The following DEK variants were observed in gnomAD, a reference collection of about 807,000 sequenced individuals.
DEK encodes the protein DEK proto-oncogene, also known as protein DEK.
DEK carries 28 observed loss-of-function variants against 46.8 expected under a neutral mutation model. The ratio of observed to expected loss-of-function variants is 0.60; its 90% CI spans 0.44 to 0.82. The LOEUF is 0.82. DEK is among the 40% of genes least tolerant of loss of function. DEK has a pLI of 0.00. For missense variants in DEK, 416 were observed against 430.6 expected, an observed-to-expected ratio of 0.97 and a Z score of 0.30; for synonymous variants, 160 against 144.5, an observed-to-expected ratio of 1.11 and a Z score of -0.77.
chr6:18,257,966 T>C lies in DEK; in HGVS notation c.344A>G (p.Asn115Ser). ...ELRNLHKLLY[N>S]RPGTVSSLKK... The stretch of plus-strand genomic sequence containing the variant: ...AAAAGGTCTTACAGTGCCTGGCCTG[T>C]TGTAAAGCAGTTTGTGTAGATTTCT... Residue 115 changes from asparagine (N) to serine (S), a missense_variant, in exon 4 of 11, where the codon AAC becomes AGC. Transcript: ENST00000652689. 1 of 1,608,342 alleles carries C rather than the reference T, an allele frequency of 6.2e-7. No individual in the cohort carries two copies. The highest frequency in any genetic ancestry group is 1.1e-5 in the South Asian group (1 of 89,050).
chr6:18,252,393 C>A (rs932736749), intron 6 of DEK, among the ~76,000 whole-genome samples: 19 of 149,530 alleles, frequency 1.3e-4, no homozygotes, highest in African/African-American at 4.7e-4. Context: ...CCTATAGTCC[C>A]AGTTACTTGG....
chr6:18,232,137 A>G (rs1243542967), intron 9 of DEK, among the ~76,000 whole-genome samples: 1 of 152,248 alleles, frequency 6.6e-6, no homozygotes, highest in Non-Finnish European at 1.5e-5. Flanking sequence ...CAATAGATAC[A>G]GAAAAGGCCT....
intron 9 of DEK, 134 bp downstream of exon 9, chr6:18,236,318 A>C (rs1790643876): frequency 1.2e-6 from 1 of 867,622 alleles, no homozygotes; most frequent in Non-Finnish European, 1.7e-6. Context: ...ACCTGTAAGG[A>C]GATCTGGCAT....
rs1420818884 is a variant in DEK, at chr6:18,236,464, C to T, written c.1035G>A (p.Gln345=). Reference sequence around the variant, plus strand: ...TTTGTCTAATTACCTTTTTGCAAATCTGTTTCATTGTGACTTCTTCCAAGT... The same window carrying T: ...TTTGTCTAATTACCTTTTTGCAAATTTGTTTCATTGTGACTTCTTCCAAGT... ...SANLEEVTMK[Q]ICKKVYENYP... is the part of the protein sequence containing the mutation. The change falls in exon 9 of 11, where the codon CAG becomes CAA. Residue 345 remains glutamine (Q), a synonymous_variant. Coordinates refer to ENST00000652689, the MANE Select transcript of DEK (RefSeq NM_003472.4). The T allele has an allele frequency of 1.9e-6, 3 of 1,610,168 alleles. No homozygotes were observed. Among genetic ancestry groups the T allele is most frequent in the Non-Finnish European group, 2.5e-6 (3 of 1,178,830 alleles).
At chr6:18,237,185 C>CTATA in intron 8 of DEK, 196 bp downstream of exon 8, 4 of 482,638 alleles carry the variant, frequency 8.3e-6, no homozygotes, top group South Asian at 5.1e-5. Context: ...GTCTCTCTCT[C>CTATA]TATATATATA....
intron 7 of DEK, among the ~76,000 whole-genome samples, chr6:18,248,756 C>T (rs1170929624): frequency 1.3e-5 from 2 of 152,134 alleles, no homozygotes; most frequent in African/African-American, 4.8e-5. Context: ...TGATTCCCTC[C>T]TTGTCTCGCC....
At chr6:18,226,274 A>G in intron 9 of DEK, 32 bp from the exon 10 acceptor site, 1 of 1,319,226 alleles carries the variant, frequency 7.6e-7, no homozygotes, top group Non-Finnish European at 1.0e-6. Context: ...AATAATGTTA[A>G]AAGCAGATTT....
At chr6:18,242,446 CAT>C (rs2151084759) in intron 7 of DEK, among the ~76,000 whole-genome samples, 1 of 152,300 alleles carries the variant, frequency 6.6e-6, no homozygotes, top group Admixed American at 6.5e-5. Context: ...TGTTGTCAAC[CAT>C]AGTCTGAAAA....
chr6:18,242,847 T>C (rs1467963162), intron 7 of DEK, among the ~76,000 whole-genome samples: 1 of 152,158 alleles, frequency 6.6e-6, no homozygotes, highest in African/African-American at 2.4e-5. Context: ...CTAAGATCTA[T>C]AGTAAGAACA....
intron 7 of DEK, among the ~76,000 whole-genome samples, chr6:18,239,384 A>G (rs937020390): frequency 7.4e-5 from 8 of 107,472 alleles, no homozygotes; most frequent in African/African-American, 3.0e-4. Context: ...TGGTCTCGCT[A>G]TGTTACCCAT....
chr6:18,239,363 A>ATTT (rs1254747677), intron 7 of DEK, among the ~76,000 whole-genome samples: 2,110 of 67,952 alleles, frequency 0.031, 31 homozygotes, highest in African/African-American at 0.12. Context: ...TTTTTTTTTA[A>ATTT]AAAAAAGAGA....
chr6:18,234,921 G>A (rs758846057), intron 9 of DEK, among the ~76,000 whole-genome samples: 8 of 151,912 alleles, frequency 5.3e-5, no homozygotes, highest in Non-Finnish European at 1.2e-4. Flanking sequence ...CTATGTCATC[G>A]TCTCCTAATT....
chr6:18,261,444 T>C (rs573635106), intron 2 of DEK, among the ~76,000 whole-genome samples: 5 of 152,252 alleles, frequency 3.3e-5, no homozygotes, highest in African/African-American at 1.2e-4. Context: ...TGGTGGCATA[T>C]GCCTGTAATC....
chr6:18,236,368 C>T lies in DEK; in HGVS notation c.1047+84G>A, dbSNP rs145691250. On this transcript the variant is annotated intron_variant, in intron 9 of 10. Transcript: ENST00000652689. ...AATCTTTCTTCAATAAGTGAATGCA[C>T]GTAAGTATTTAGCTTCAAATTCAGA... is the stretch of plus-strand genomic sequence containing the variant. 6,904 of 1,435,556 alleles carry T rather than the reference C, an allele frequency of 4.8e-3. 18 individuals carry two copies. Among genetic ancestry groups the T allele is most frequent in the Non-Finnish European group, 6.0e-3 (6,310 of 1,053,214 alleles). 88.9% of individuals were successfully genotyped at this position (1,435,556 alleles called of 1,614,324 possible).
chr6:18,226,118 G>C (rs1025919657), intron 10 of DEK, 56 bp downstream of exon 10: 1 of 1,180,764 alleles, frequency 8.5e-7, no homozygotes, highest in Non-Finnish European at 1.1e-6. Context: ...AGTATTTTAT[G>C]TAATTACTTT....
chr6:18,262,632 T>C lies in DEK; in HGVS notation c.145+1211A>G, dbSNP rs565007905. On this transcript the variant is annotated intron_variant, in intron 2 of 10. Transcript: ENST00000652689. ...AATTTTTTCCTGACATGAAGAAAAT[T>C]CACCATTTCTTTGGCATCTCAACCC... Among the ~76,000 whole-genome samples the C allele has an allele frequency of 4.6e-5, 7 of 152,258 alleles. No individual in the cohort carries two copies. In the South Asian group the frequency reaches 1.2e-3, roughly 27 times the overall value.
At chr6:18,234,267 AC>A (rs1246167872) in intron 9 of DEK, among the ~76,000 whole-genome samples, 2 of 126,950 alleles carry the variant, frequency 1.6e-5, no homozygotes, top group African/African-American at 7.0e-5. Flanking sequence ...CAGCACATCA[AC>A]ATGGCACATG....
chr6:18,250,204 C>T (rs1791305094), intron 6 of DEK, among the ~76,000 whole-genome samples: 2 of 152,174 alleles, frequency 1.3e-5, no homozygotes, highest in African/African-American at 4.8e-5. Context: ...AGCATTAAAA[C>T]TGTCACTGCC....
chr6:18,226,135 A>C, intron 10 of DEK, 39 bp downstream of exon 10: 1 of 1,241,506 alleles, frequency 8.1e-7, no homozygotes, highest in Non-Finnish European at 1.1e-6. Context: ...CTTTTGTCTT[A>C]TATTTCTAAA....
Sources: allele counts gnomAD v4.1 joint callset (sites outside exome capture counted in the v4.1 genomes callset), GRCh38; gene constraint gnomAD v4.1.1; transcripts MANE v1.5; gene names NCBI Gene and HGNC (gene_info 2026-07-23, HGNC 2026-07-21).